Variants in SFXN5 observed in about 807,000 individuals in gnomAD.
SFXN5 encodes sideroflexin-5.
Under a neutral mutation model 50.2 loss-of-function variants are expected in SFXN5, and 43 were observed. That is an observed-to-expected ratio of 0.86 (90% confidence interval 0.67 to 1.11). SFXN5 has a LOEUF of 1.11. SFXN5 is among the 50% of genes least tolerant of loss of function. SFXN5 has a pLI of 0.00. For synonymous variants in SFXN5, 203 were observed against 185.8 expected, an observed-to-expected ratio of 1.09 and a Z score of -0.75; for missense variants, 463 against 454.1, an observed-to-expected ratio of 1.02 and a Z score of -0.18.
At chr2:73,042,457 A>AG (rs1679771617) in intron 2 of SFXN5, 2 of 151,982 alleles carry the variant, frequency 1.3e-5, no homozygotes, top group African/African-American at 4.8e-5. Flanking sequence ...TACTAAAAAT[A>AG]CAAAAATTAG....
At chr2:72,981,762 C>A (rs1671325159) in intron 10 of SFXN5, among the ~76,000 whole-genome samples, 1 of 152,202 alleles carries the variant, frequency 6.6e-6, no homozygotes. Flanking sequence ...CATGGCTCCT[C>A]AAAATCCACA....
At chr2:72,990,550 C>G (rs976214751) in intron 9 of SFXN5, among the ~76,000 whole-genome samples, 1 of 152,212 alleles carries the variant, frequency 6.6e-6, no homozygotes, top group African/African-American at 2.4e-5. Flanking sequence ...GTGAGCACTT[C>G]CTACGTGAGG....
intron 3 of SFXN5, among the ~76,000 whole-genome samples, chr2:73,031,662 AC>A (rs1409726192): frequency 6.6e-6 from 1 of 152,220 alleles, no homozygotes; most frequent in Non-Finnish European, 1.5e-5. Context: ...CTGACAACAC[AC>A]CAGACTCAGA....
At chr2:72,968,573 G>C (rs1440366203) in intron 11 of SFXN5, 40 bp from the exon 12 acceptor site, 1 of 1,592,818 alleles carries the variant, frequency 6.3e-7, no homozygotes, top group Non-Finnish European at 8.6e-7. Context: ...GGGCCTGACA[G>C]CTGGTGACAG....
In SFXN5 at chr2:72,992,417, G is replaced by A. The variant is rs985487970; in HGVS notation, c.535-4069C>T. On this transcript the variant is annotated intron_variant, in intron 9 of 13. Coordinates refer to ENST00000272433, the MANE Select transcript of SFXN5 (RefSeq NM_144579.3). The surrounding 1 kb of genome is among the most constrained non-coding windows in gnomAD (Gnocchi z 4.5). ...GAAGAATGCCTGCATCCCTCTCCCCGCATCTGTGCCCCCACTGCAGCCTGA... is the reference window on the plus strand; with the variant it reads ...GAAGAATGCCTGCATCCCTCTCCCCACATCTGTGCCCCCACTGCAGCCTGA... Among the ~76,000 whole-genome samples the A allele has an allele frequency of 2.6e-5, 4 of 152,134 alleles. No individual in the cohort carries two copies. The highest frequency in any genetic ancestry group is 2.1e-4 in the South Asian group (1 of 4,828).
At chr2:72,988,413 G>T (rs1216830941) in intron 9 of SFXN5, 65 bp from the exon 10 acceptor site, 5 of 1,406,096 alleles carry the variant, frequency 3.6e-6, no homozygotes, top group Non-Finnish European at 4.9e-6. Context: ...GTGGGAGGAG[G>T]GGGCAGAACT....
rs541015189 is a variant in SFXN5 at position 72,977,063 on chromosome 2, G to A, written c.626-5378C>T. 3.9e-5 allele frequency among the ~76,000 whole-genome samples: 6 copies of A among 152,262 alleles called. No individual in the cohort carries two copies. The South Asian group carries it at 6.2e-4, about 16-fold the overall frequency. ...TCCAGACAACCAGGAATGTCTGCTG[G>A]GGACTTCTGGGGAAGGTCTCCTCCC... is the stretch of plus-strand genomic sequence containing the variant. On this transcript the variant is annotated intron_variant, in intron 10 of 13. Coordinates refer to ENST00000272433, the MANE Select transcript of SFXN5 (RefSeq NM_144579.3).
At chr2:73,022,062 T>C (rs1167747385) in intron 5 of SFXN5, among the ~76,000 whole-genome samples, 4 of 152,166 alleles carry the variant, frequency 2.6e-5, no homozygotes, top group African/African-American at 9.7e-5. Flanking sequence ...GGAGGGCTAA[T>C]GGCAGGATCA....
intron 13 of SFXN5, among the ~76,000 whole-genome samples, chr2:72,947,821 C>T (rs906250703): frequency 1.3e-5 from 2 of 150,428 alleles, no homozygotes; most frequent in Non-Finnish European, 1.5e-5. Flanking sequence ...TTCTCCCACC[C>T]CACCCCTGCC....
intron 1 of SFXN5, chr2:73,070,984 C>G (rs901303821): frequency 6.6e-6 from 1 of 152,384 alleles, no homozygotes; most frequent in Non-Finnish European, 1.5e-5. Context: ...GCTGCGTCAG[C>G]GAATCCTCAG....
intron 3 of SFXN5, among the ~76,000 whole-genome samples, chr2:73,038,917 T>G (rs1486048952): frequency 1.3e-5 from 2 of 152,070 alleles, no homozygotes; most frequent in Non-Finnish European, 2.9e-5. Flanking sequence ...GCAACAGGAA[T>G]TTTTCAGTTC....
At chr2:73,029,914 A>G (rs1030430900) in intron 3 of SFXN5, among the ~76,000 whole-genome samples, 2 of 152,030 alleles carry the variant, frequency 1.3e-5, no homozygotes, top group African/African-American at 4.8e-5. Flanking sequence ...TCTAGAAAAA[A>G]TACAAAAATT....
intron 10 of SFXN5, among the ~76,000 whole-genome samples, chr2:72,980,297 C>T (rs953898124): frequency 6.6e-6 from 1 of 152,172 alleles, no homozygotes; most frequent in African/African-American, 2.4e-5. Flanking sequence ...TTCTCATGTC[C>T]CTGCCCGGGA....
At chr2:73,019,489 C>T (rs1018783992) in intron 6 of SFXN5, 6 of 145,384 alleles carry the variant, frequency 4.1e-5, no homozygotes, top group South Asian at 2.2e-4. Context: ...AGTGCACTGG[C>T]GCGATCTCGG....
intron 2 of SFXN5, among the ~76,000 whole-genome samples, chr2:73,047,172 C>T (rs1184144888): frequency 2.3e-5 from 3 of 131,632 alleles, no homozygotes; most frequent in Non-Finnish European, 4.7e-5. Context: ...AAGCCAAGAT[C>T]GCACCACTGC....
At chr2:72,979,386 C>A in intron 10 of SFXN5, among the ~76,000 whole-genome samples, 1 of 152,078 alleles carries the variant, frequency 6.6e-6, no homozygotes, top group South Asian at 2.1e-4. Flanking sequence ...GTAATCCCAG[C>A]ACTTTGAGAG....
intron 3 of SFXN5, 49 bp downstream of exon 3, chr2:73,040,805 C>T: frequency 1.4e-6 from 2 of 1,478,758 alleles, no homozygotes; most frequent in East Asian, 4.6e-5. Context: ...GAATTTCTCA[C>T]TTTCCTTCCC....
intron 6 of SFXN5, among the ~76,000 whole-genome samples, chr2:73,014,802 T>C (rs980013294): frequency 7.9e-5 from 12 of 152,336 alleles, no homozygotes; most frequent in Non-Finnish European, 1.5e-4. Flanking sequence ...ATATTCTAGA[T>C]GTTTGTTTTA....
intron 2 of SFXN5, among the ~76,000 whole-genome samples, chr2:73,052,359 CGTGT>C (rs59839344): frequency 0.029 from 4,107 of 142,342 alleles, 121 homozygotes; most frequent in African/African-American, 0.057. Context: ...TGTGTGTATG[CGTGT>C]GTGTGTGTGT....
Sources: allele counts gnomAD v4.1 joint callset (sites outside exome capture counted in the v4.1 genomes callset), GRCh38; gene constraint gnomAD v4.1.1; non-coding constraint Gnocchi (gnomAD v3.1); transcripts MANE v1.5; gene names NCBI Gene and HGNC (gene_info 2026-07-23, HGNC 2026-07-21).